ETHE1: variants seen among roughly 807,000 people sequenced by gnomAD.
ETHE1 encodes ETHE1 persulfide dioxygenase.
Under a neutral mutation model 25.7 loss-of-function variants are expected in ETHE1, and 16 were observed. The ratio of observed to expected loss-of-function variants is 0.62; its 90% CI spans 0.42 to 0.95. The LOEUF is 0.95. ETHE1 is among the 40% of genes least tolerant of loss of function. The pLI is 0.00. For missense variants in ETHE1, 300 were observed against 333.6 expected (o/e 0.90, Z 0.79); for synonymous variants, 139 against 135.9 (o/e 1.02, Z -0.16).
rs539321356 is a variant in ETHE1, at chr19:43,527,201, T to C, written c.-24A>G. The C allele has an allele frequency of 2.6e-6, 4 of 1,533,768 alleles. No individual in the cohort carries two copies. Among genetic ancestry groups the C allele is most frequent in the Non-Finnish European group, 3.5e-6 (4 of 1,145,120 alleles). ...ATCGCGCCCACTGCGGGGTCAGGAA[T>C]GAGCGGAGGCCGAGCGCCTGCAGGA... On this transcript the variant is annotated 5_prime_UTR_variant, in exon 1 of 7. Coordinates refer to ENST00000292147, the MANE Select transcript of ETHE1 (RefSeq NM_014297.5).
intron 3 of ETHE1, 64 bp from the exon 4 acceptor site, chr19:43,511,630 A>G: frequency 6.3e-7 from 1 of 1,586,778 alleles, no homozygotes; most frequent in Non-Finnish European, 8.6e-7. Flanking sequence ...ACTGGCCCCC[A>G]AAGCCCCACC....
At chr19:43,513,002 C>T (rs1971949153) in intron 3 of ETHE1, among the ~76,000 whole-genome samples, 1 of 152,190 alleles carries the variant, frequency 6.6e-6, no homozygotes, top group African/African-American at 2.4e-5. Flanking sequence ...CTAAAAGGGG[C>T]CAAGTACAGC....
At chr19:43,519,485 C>A (rs1972097384) in intron 3 of ETHE1, among the ~76,000 whole-genome samples, 1 of 152,144 alleles carries the variant, frequency 6.6e-6, no homozygotes, top group Admixed American at 6.6e-5. Flanking sequence ...ACCCCAAATT[C>A]TTTCAACAAA....
In ETHE1 at chr19:43,507,961, G is replaced by C; in HGVS notation, c.695C>G (p.Pro232Arg). ...FVKIMGNLNL[P>R]KPQQIDFAVP... ...CTGCTCACCTATCTGCTGAGGTTTAGGCAAGTTCAGGTTGCCCATGATTTT... is the reference window on the plus strand; with the variant it reads ...CTGCTCACCTATCTGCTGAGGTTTACGCAAGTTCAGGTTGCCCATGATTTT... Residue 232 changes from proline (P) to arginine (R), a missense_variant, in exon 6 of 7, where the codon CCT becomes CGT. By Grantham distance (103) the Pro-to-Arg change is moderately radical. Transcript: ENST00000292147. 2.5e-6 allele frequency: 4 copies of C among 1,613,940 alleles called. No homozygotes were observed. The highest frequency in any genetic ancestry group is 3.4e-6 in the Non-Finnish European group (4 of 1,180,006).
intron 1 of ETHE1, 23 bp downstream of exon 1, chr19:43,527,074 C>G: frequency 1.3e-6 from 2 of 1,548,708 alleles, no homozygotes; most frequent in Non-Finnish European, 1.7e-6. Context: ...CAGCAGTCCC[C>G]TCCTAGGTCC....
chr19:43,526,415 C>T, intron 2 of ETHE1, 66 bp from the exon 3 acceptor site: 11 of 1,608,466 alleles, frequency 6.8e-6, no homozygotes, highest in Non-Finnish European at 9.3e-6. Flanking sequence ...AGCCCAGATC[C>T]TTCTCCCTCA....
At chr19:43,506,937 C>A in intron 6 of ETHE1, 35 bp from the exon 7 acceptor site, 3 of 1,612,226 alleles carry the variant, frequency 1.9e-6, no homozygotes, top group Non-Finnish European at 2.5e-6. Flanking sequence ...AACTAAGGGG[C>A]CTAGGTAGAG....
At chr19:43,519,455 G>T (rs556513177) in intron 3 of ETHE1, among the ~76,000 whole-genome samples, 1 of 152,020 alleles carries the variant, frequency 6.6e-6, no homozygotes, top group East Asian at 1.9e-4. Context: ...AGTGATTTCC[G>T]CAACAGCCCA....
chr19:43,518,614 G>A (rs1355901727), intron 3 of ETHE1, among the ~76,000 whole-genome samples: 2 of 151,568 alleles, frequency 1.3e-5, no homozygotes, highest in Non-Finnish European at 2.9e-5. Flanking sequence ...AGCTGGGCGT[G>A]GTGGTGGGCG....
intron 6 of ETHE1, 97 bp from the exon 7 acceptor site, chr19:43,506,999 A>C: frequency 1.5e-6 from 2 of 1,347,766 alleles, no homozygotes; most frequent in Middle Eastern, 1.9e-4. Context: ...CCTCTTCAGG[A>C]AACTAGAGTT....
intron 3 of ETHE1, among the ~76,000 whole-genome samples, chr19:43,519,235 C>T (rs1972092199): frequency 6.6e-6 from 1 of 151,942 alleles, no homozygotes; most frequent in Admixed American, 6.6e-5. Flanking sequence ...TGATCTCAAA[C>T]TCCTGACCTC....
chr19:43,509,615 A>G (rs1406236776), intron 4 of ETHE1, among the ~76,000 whole-genome samples: 3 of 151,986 alleles, frequency 2.0e-5, no homozygotes, highest in South Asian at 2.1e-4. Context: ...CTAACATGGT[A>G]AAACCCTGTC....
At chr19:43,511,887 T>C (rs1032007892) in intron 3 of ETHE1, among the ~76,000 whole-genome samples, 6 of 152,112 alleles carry the variant, frequency 3.9e-5, no homozygotes, top group African/African-American at 7.2e-5. Flanking sequence ...ATAATCCTCA[T>C]ATGTCATGGG....
chr19:43,510,683 T>C (rs111712293), intron 4 of ETHE1, among the ~76,000 whole-genome samples: 81 of 151,136 alleles, frequency 5.4e-4, no homozygotes, highest in African/African-American at 1.7e-3. Context: ...AGAGGGAGTC[T>C]CACTATGTTG....
chr19:43,525,201 GTTCAT>G (rs1322617425), intron 3 of ETHE1, among the ~76,000 whole-genome samples: 1 of 150,412 alleles, frequency 6.6e-6, no homozygotes, highest in Non-Finnish European at 1.5e-5. Context: ...TAAACCCTTC[GTTCAT>G]TTCAAGACAT....
chr19:43,518,590 C>CA (rs569385602), intron 3 of ETHE1, among the ~76,000 whole-genome samples: 66 of 142,740 alleles, frequency 4.6e-4, no homozygotes, highest in Middle Eastern at 7.0e-3. Flanking sequence ...ACTAAAAATA[C>CA]AAAAAAAAAA....
chr19:43,519,008 T>G (rs1972085086), intron 3 of ETHE1, among the ~76,000 whole-genome samples: 1 of 55,558 alleles, frequency 1.8e-5, no homozygotes, highest in East Asian at 4.9e-4. Flanking sequence ...TGTTTTTTTT[T>G]TTTTTTTTTT....
chr19:43,526,944 G>A (rs1972263937), intron 1 of ETHE1, 153 bp downstream of exon 1: 2 of 1,512,656 alleles, frequency 1.3e-6, no homozygotes, highest in African/African-American at 2.8e-5. Flanking sequence ...CACCTTTAAA[G>A]GACCCAAGAG....
intron 3 of ETHE1, among the ~76,000 whole-genome samples, chr19:43,521,624 T>C (rs1461998884): frequency 1.3e-5 from 2 of 151,338 alleles, no homozygotes; most frequent in Non-Finnish European, 2.9e-5. Flanking sequence ...GAGCCAAGAT[T>C]GTGCCACTGC....
Sources: allele counts gnomAD v4.1 joint callset (sites outside exome capture counted in the v4.1 genomes callset), GRCh38; gene constraint gnomAD v4.1.1; transcripts MANE v1.5; gene names NCBI Gene and HGNC (gene_info 2026-07-23, HGNC 2026-07-21).